Variants in UQCC1 observed in about 807,000 individuals in gnomAD.
The protein encoded by UQCC1 is ubiquinol-cytochrome c reductase complex assembly factor 1.
Under a neutral mutation model 48.0 loss-of-function variants are expected in UQCC1, and 38 were observed. The observed-to-expected ratio is 0.79, with a 90% CI of 0.61 to 1.04. The LOEUF is 1.04. Among genes scored for constraint, UQCC1 ranks in the 50% least tolerant of loss-of-function variants. The pLI is 0.00. For missense variants in UQCC1, 368 were observed against 381.8 expected (o/e 0.96, Z 0.30); for synonymous variants, 111 against 129.2 (o/e 0.86, Z 0.95).
chr20:35,389,427 G>A (rs577465599), intron 2 of UQCC1, among the ~76,000 whole-genome samples: 1 of 152,226 alleles, frequency 6.6e-6, no homozygotes, highest in South Asian at 2.1e-4. Context: ...GCTGGGCGTG[G>A]TGAGCTCGCA....
intron 6 of UQCC1, among the ~76,000 whole-genome samples, chr20:35,359,165 A>AT (rs2061578877): frequency 6.6e-6 from 1 of 152,132 alleles, no homozygotes; most frequent in Admixed American, 6.5e-5. Context: ...GATTACTACC[A>AT]TTTACTATGT....
At chr20:35,365,474 G>A (rs1356268056) in intron 6 of UQCC1, among the ~76,000 whole-genome samples, 1 of 152,004 alleles carries the variant, frequency 6.6e-6, no homozygotes, top group Admixed American at 6.6e-5. Context: ...GGCCAAGATG[G>A]TGAAACCCTG....
At position 35,347,233 on chromosome 20, in the gene UQCC1, C is replaced by G. The variant is rs1181981004; in HGVS notation, c.504G>C (p.Gly168=). The G allele has an allele frequency of 6.2e-7, 1 of 1,614,146 alleles. No homozygotes were observed. Among genetic ancestry groups the G allele is most frequent in the African/African-American group, 1.3e-5 (1 of 75,038 alleles). The change falls in exon 7 of 10, where the codon GGG becomes GGC. Residue 168 remains glycine (G), a synonymous_variant. Coordinates refer to ENST00000374385, the MANE Select transcript of UQCC1 (RefSeq NM_018244.5). The part of the protein sequence containing the change: ...LVRMKQEGRS[G]KYMCRIIVHF... ...GAACTATGATACGACACATGTACTTCCCACTCCGGCCTTCCTGCTTCATTC... is the reference window on the plus strand; with the variant it reads ...GAACTATGATACGACACATGTACTTGCCACTCCGGCCTTCCTGCTTCATTC...
chr20:35,411,671 G>C (rs2062367078), intron 1 of UQCC1, among the ~76,000 whole-genome samples: 1 of 152,110 alleles, frequency 6.6e-6, no homozygotes. Context: ...AGGGGAAGCA[G>C]GTACATGGGG....
chr20:35,346,859 C>A, intron 7 of UQCC1: 1 of 794,768 alleles, frequency 1.3e-6, no homozygotes, highest in Non-Finnish European at 1.9e-6. Flanking sequence ...ACTGGATTAT[C>A]ATTTGATTCC....
chr20:35,405,022 G>A (rs2062230770), intron 1 of UQCC1, among the ~76,000 whole-genome samples: 1 of 152,166 alleles, frequency 6.6e-6, no homozygotes, highest in Non-Finnish European at 1.5e-5. Context: ...CTGTGCACAT[G>A]CTCAGGAAAG....
chr20:35,394,421 G>A (rs1233596478), intron 1 of UQCC1, among the ~76,000 whole-genome samples: 1 of 152,064 alleles, frequency 6.6e-6, no homozygotes, highest in African/African-American at 2.4e-5. Context: ...TGCTAATGAG[G>A]TGATTCATGC....
intron 7 of UQCC1, among the ~76,000 whole-genome samples, chr20:35,330,039 TTCAC>T (rs1388992588): frequency 2.6e-5 from 4 of 152,174 alleles, no homozygotes; most frequent in African/African-American, 9.7e-5. Flanking sequence ...ACTCTGTGAG[TTCAC>T]TCACTCATTC....
chr20:35,366,748 A>T, intron 5 of UQCC1, 134 bp from the exon 6 acceptor site: 1 of 682,108 alleles, frequency 1.5e-6, no homozygotes, highest in Non-Finnish European at 2.5e-6. Flanking sequence ...GTAGAACAAT[A>T]GGGCGAGACC....
chr20:35,397,764 C>T (rs553980113), intron 1 of UQCC1, among the ~76,000 whole-genome samples: 4 of 152,162 alleles, frequency 2.6e-5, no homozygotes, highest in African/African-American at 9.6e-5. Flanking sequence ...ATTTTGCTAT[C>T]CGAGGGAGGT....
At chr20:35,365,729 A>T (rs2061659370) in intron 6 of UQCC1, among the ~76,000 whole-genome samples, 1 of 151,766 alleles carries the variant, frequency 6.6e-6, no homozygotes, top group African/African-American at 2.4e-5. Flanking sequence ...TAACTGTGTG[A>T]GTACAGAGGA....
intron 1 of UQCC1, among the ~76,000 whole-genome samples, 173 bp downstream of exon 1, chr20:35,411,767 G>C (rs1195814936): frequency 6.6e-6 from 1 of 152,090 alleles, no homozygotes; most frequent in East Asian, 1.9e-4. Context: ...AGGTCAAAAC[G>C]GGGTAGGAAG....
At chr20:35,331,244 C>T (rs2061253647) in intron 7 of UQCC1, among the ~76,000 whole-genome samples, 1 of 152,090 alleles carries the variant, frequency 6.6e-6, no homozygotes, top group African/African-American at 2.4e-5. Flanking sequence ...CTAAACTGCC[C>T]AAGGCCTAGG....
Position 35,303,801 on chromosome 20 carries a change from TG to T in UQCC1, c.*133del. The T allele has an allele frequency of 8.0e-7, 1 of 1,254,564 alleles. No homozygotes were observed. The highest frequency in any genetic ancestry group is 1.1e-6 in the Non-Finnish European group (1 of 885,346). 77.7% of individuals were successfully genotyped at this position (1,254,564 alleles called of 1,614,324 possible). A position where few individuals can be genotyped will look rare whatever the true frequency, so the allele number is the denominator to read the frequency against. On this transcript the variant is annotated 3_prime_UTR_variant, in exon 10 of 10. Coordinates refer to ENST00000374385, the MANE Select transcript of UQCC1 (RefSeq NM_018244.5). ...ACACTAAGAGGAAACTCAACACAAA[TG>T]GGGCCAGGTATTTGACAGATGCTGT... is the stretch of plus-strand genomic sequence containing the variant.
At chr20:35,346,481 G>C (rs1444280414) in intron 7 of UQCC1, 1 of 162,340 alleles carries the variant, frequency 6.2e-6, no homozygotes, top group Non-Finnish European at 1.3e-5. Context: ...TCACAGCGAA[G>C]GTCTGCGGCT....
rs1027989824 is a variant in UQCC1, at chr20:35,302,983, G to C, written c.*952C>G. 1.3e-5 allele frequency: 2 copies of C among 152,160 alleles called. No homozygotes were observed. The highest frequency in any genetic ancestry group is 2.4e-5 in the African/African-American group (1 of 41,408). The allele number at this position is 152,160 out of a possible 1,614,324, so 9.4% of individuals were successfully genotyped here. ...AGATGACCCGCACTGAGGGAGGAGG[G>C]GCTGGTCCTCAGGTGCTCAGACCAA... On this transcript the variant is annotated 3_prime_UTR_variant, in exon 10 of 10. Transcript: ENST00000374385.
chr20:35,309,069 G>T lies in UQCC1; in HGVS notation c.652-2290C>A, dbSNP rs1356125661. On this transcript the variant is annotated intron_variant, in intron 8 of 9. Transcript: ENST00000374385. The stretch of plus-strand genomic sequence containing the variant: ...GAGGCTTAGAGGCTAGCTAACTGAT[G>T]GCTGAACTAGAACCAGCATGCATTG... The T allele has an allele frequency of 1.1e-5, 5 of 445,988 alleles. No individual in the cohort carries two copies. The East Asian group carries it at 3.6e-4, about 32-fold the overall frequency. 27.6% of individuals were successfully genotyped at this position (445,988 alleles called of 1,614,324 possible). A position where few individuals can be genotyped will look rare whatever the true frequency, so the allele number is the denominator to read the frequency against.
At chr20:35,327,648 T>A (rs556111596) in intron 7 of UQCC1, among the ~76,000 whole-genome samples, 19 of 152,306 alleles carry the variant, frequency 1.2e-4, no homozygotes, top group African/African-American at 4.3e-4. Context: ...TCATTCTTAC[T>A]TAAGTAGTGA....
intron 4 of UQCC1, among the ~76,000 whole-genome samples, chr20:35,376,301 C>G (rs1240221640): frequency 6.6e-6 from 1 of 150,760 alleles, no homozygotes; most frequent in African/African-American, 2.5e-5. Context: ...GAGCCAGACT[C>G]CGCCTCAAAA....
Sources: allele counts gnomAD v4.1 joint callset (sites outside exome capture counted in the v4.1 genomes callset), GRCh38; gene constraint gnomAD v4.1.1; transcripts MANE v1.5; gene names NCBI Gene and HGNC (gene_info 2026-07-23, HGNC 2026-07-21).